EIPR1: variants seen among roughly 807,000 people sequenced by gnomAD.
EIPR1 encodes EARP complex and GARP complex interacting protein 1.
A neutral mutation model predicts 48.1 loss-of-function variants in EIPR1; 25 were observed. The ratio of observed to expected loss-of-function variants is 0.52; its 90% confidence interval spans 0.38 to 0.73. The LOEUF (loss-of-function observed/expected upper bound fraction) is 0.73. Ranked by LOEUF, EIPR1 falls within the 30% of genes least tolerant of loss-of-function variation. The probability of loss-of-function intolerance (pLI) is 0.00; values close to 1 mark genes in which losing one functional copy is unlikely to be tolerated. For synonymous variants in EIPR1, 204 were observed against 201.9 expected (o/e 1.01, Z -0.09); for missense variants, 415 against 506.2 (o/e 0.82, Z 1.73).
chr2:3,203,398 C>T (rs1301501773), intron 5 of EIPR1, among the ~76,000 whole-genome samples: 1 of 152,210 alleles, frequency 6.6e-6, no homozygotes, highest in Admixed American at 6.5e-5. Flanking sequence ...AAAAGCCTCA[C>T]CAAGGCAGAG....
chr2:3,346,155 T>G (rs1670395255), intron 2 of EIPR1, among the ~76,000 whole-genome samples: 1 of 152,268 alleles, frequency 6.6e-6, no homozygotes, highest in Non-Finnish European at 1.5e-5. Context: ...ACTCGGGAGC[T>G]GGCCCAAGGG....
intron 3 of EIPR1, among the ~76,000 whole-genome samples, chr2:3,284,319 G>A (rs1244796237): frequency 1.8e-5 from 2 of 110,318 alleles, no homozygotes; most frequent in Non-Finnish European, 3.9e-5. Flanking sequence ...GCCGTGCCAC[G>A]GCTGCACGTA....
intron 4 of EIPR1, among the ~76,000 whole-genome samples, chr2:3,220,242 T>A (rs1349647984): frequency 6.6e-6 from 1 of 152,190 alleles, no homozygotes; most frequent in Non-Finnish European, 1.5e-5. Flanking sequence ...ACAATGGTCA[T>A]AGAACATTCT....
rs759701346 is a variant in EIPR1 at position 3,192,392 on chromosome 2, ACT to A, written c.989+20_989+21del. 1 of 1,586,540 alleles carries A rather than the reference ACT, an allele frequency of 6.3e-7. No individual in the cohort carries two copies. The highest frequency in any genetic ancestry group is 8.6e-7 in the Non-Finnish European group (1 of 1,166,322). ...AGGAGGCTCTGGTACAGCGTGAGCC[ACT>A]CTGCAGTGCGTGCCCTTACTTCTCT... On this transcript the variant is annotated intron_variant, in intron 8 of 8. Coordinates refer to ENST00000382125, the MANE Select transcript of EIPR1 (RefSeq NM_003310.5).
chr2:3,295,171 A>C lies in EIPR1; in HGVS notation c.260-37716T>G, dbSNP rs112108651. On this transcript the variant is annotated intron_variant, in intron 3 of 8. Coordinates refer to ENST00000382125, the MANE Select transcript of EIPR1 (RefSeq NM_003310.5). ...CGGCATGTCCTTTCTACACACACAC[A>C]CCCTCCATATAGCTTGTCCTCTCTA... is the stretch of plus-strand genomic sequence containing the variant. Among the ~76,000 whole-genome samples the C allele has an allele frequency of 1.1e-3, 132 of 115,410 alleles. 1 individual carries two copies. The highest frequency in any genetic ancestry group is 3.8e-3 in the African/African-American group (111 of 29,044). 75.7% of individuals were successfully genotyped at this position (115,410 alleles called of 152,430 possible).
chr2:3,255,559 C>T (rs1267870329), intron 4 of EIPR1, among the ~76,000 whole-genome samples: 2 of 152,226 alleles, frequency 1.3e-5, no homozygotes, highest in Non-Finnish European at 2.9e-5. Flanking sequence ...TTCCCCATGA[C>T]ACACACCCAT....
At chr2:3,242,246 G>T (rs910885610) in intron 4 of EIPR1, among the ~76,000 whole-genome samples, 1 of 144,912 alleles carries the variant, frequency 6.9e-6, no homozygotes, top group South Asian at 2.2e-4. Context: ...CCATGGGCCC[G>T]GCAGCAGCCA....
At chr2:3,236,249 C>A (rs532023169) in intron 4 of EIPR1, among the ~76,000 whole-genome samples, 1 of 152,176 alleles carries the variant, frequency 6.6e-6, no homozygotes, top group East Asian at 1.9e-4. Context: ...GCATGAACTG[C>A]GCAGGAAAAC....
At chr2:3,225,713 G>C (rs1326288347) in intron 4 of EIPR1, among the ~76,000 whole-genome samples, 4 of 152,054 alleles carry the variant, frequency 2.6e-5, no homozygotes, top group African/African-American at 9.7e-5. Flanking sequence ...ATTAACTACA[G>C]TTCTCGTGCT....
chr2:3,336,377 G>A (rs963779554), intron 3 of EIPR1, among the ~76,000 whole-genome samples: 1 of 152,142 alleles, frequency 6.6e-6, no homozygotes, highest in African/African-American at 2.4e-5. Context: ...ACCTCCCGCT[G>A]GCAGGAGGTG....
intron 5 of EIPR1, among the ~76,000 whole-genome samples, chr2:3,212,517 C>T (rs958707011): frequency 6.6e-6 from 1 of 152,176 alleles, no homozygotes; most frequent in Admixed American, 6.5e-5. Context: ...CCAAAGCCTA[C>T]CGTGAGCCTG....
intron 5 of EIPR1, chr2:3,208,501 T>TGAG (rs1473036280): frequency 6.5e-7 from 1 of 1,532,342 alleles, no homozygotes; most frequent in African/African-American, 1.4e-5. Context: ...AATTATATGA[T>TGAG]GAGGAGGTCT....
intron 3 of EIPR1, among the ~76,000 whole-genome samples, chr2:3,300,198 T>C (rs1172016169): frequency 6.6e-6 from 1 of 152,208 alleles, no homozygotes; most frequent in Admixed American, 6.5e-5. Context: ...AATTGCAAAA[T>C]GAATGTCCTA....
At chr2:3,287,096 A>T (rs1668209697) in intron 3 of EIPR1, among the ~76,000 whole-genome samples, 1 of 152,228 alleles carries the variant, frequency 6.6e-6, no homozygotes, top group African/African-American at 2.4e-5. Flanking sequence ...GGTGGGGAGC[A>T]CATCACACCT....
intron 4 of EIPR1, among the ~76,000 whole-genome samples, chr2:3,242,714 A>G (rs1235386816): frequency 2.0e-5 from 3 of 152,244 alleles, no homozygotes; most frequent in African/African-American, 7.2e-5. Flanking sequence ...ATATGTATCT[A>G]TCCAATGATG....
At chr2:3,317,442 A>G (rs1387823652) in intron 3 of EIPR1, among the ~76,000 whole-genome samples, 1 of 152,030 alleles carries the variant, frequency 6.6e-6, no homozygotes, top group Non-Finnish European at 1.5e-5. Context: ...CTGGGAGCGC[A>G]TGAGGCACTG....
chr2:3,277,064 G>C (rs1351334911), intron 3 of EIPR1, among the ~76,000 whole-genome samples: 1 of 152,218 alleles, frequency 6.6e-6, no homozygotes, highest in Non-Finnish European at 1.5e-5. Flanking sequence ...AAACTCGGGT[G>C]AATGTACGAG....
chr2:3,303,971 C>T (rs967359337), intron 3 of EIPR1, among the ~76,000 whole-genome samples: 1 of 152,258 alleles, frequency 6.6e-6, no homozygotes, highest in African/African-American at 2.4e-5. Context: ...CCCTATCACT[C>T]AAATCTCCGA....
Position 3,360,014 on chromosome 2 carries a change from G to A in EIPR1, c.43-5381C>T, listed in dbSNP as rs148868188. On this transcript the variant is annotated intron_variant, in intron 1 of 8. Coordinates refer to ENST00000382125, the MANE Select transcript of EIPR1 (RefSeq NM_003310.5). ...TATGGCTCTCTCATGGTAAAGTAGG[G>A]TAGCTGGCAACACAAATGGCACATT... Among the ~76,000 whole-genome samples, 4 of 152,270 alleles carry A rather than the reference G, an allele frequency of 2.6e-5. 1 individual carries two copies. In the East Asian group the frequency reaches 7.7e-4, roughly 29 times the overall value.
Sources: gnomAD v4.1 joint callset for allele counts (sites outside exome capture counted in the v4.1 genomes callset) on GRCh38, gnomAD v4.1.1 for gene constraint, MANE v1.5 for transcripts, NCBI Gene and HGNC (gene_info 2026-07-23, HGNC 2026-07-21) for gene names.